Variants in FGF13 observed in about 807,000 individuals in gnomAD.
FGF13 encodes the protein fibroblast growth factor homologous factor 2.
In FGF13, 2 loss-of-function variants were observed where a neutral mutation model predicts 19.5. The ratio of observed to expected loss-of-function variants is 0.10; its 90% CI spans 0.04 to 0.32. The LOEUF (loss-of-function observed/expected upper bound fraction) is 0.32. FGF13 is among the 10% of genes least tolerant of loss of function. The pLI, the probability that FGF13 is intolerant of heterozygous loss-of-function variation, is 1.00. For synonymous variants in FGF13, 72 were observed against 76.9 expected (o/e 0.94, Z 0.33); for missense variants, 113 against 192.7 (o/e 0.59, Z 2.45).
chrX:139,001,008 C>A (rs1337576602), intron 1 of FGF13, among the ~76,000 whole-genome samples: 1 of 111,546 alleles, frequency 9.0e-6, no homozygotes, highest in African/African-American at 3.3e-5. Flanking sequence ...TGGAACAGAA[C>A]AGAGCCCTCA....
chrX:138,989,863 C>A (rs1388920022), intron 1 of FGF13, among the ~76,000 whole-genome samples: 2 of 111,387 alleles, frequency 1.8e-5, no homozygotes, highest in South Asian at 3.8e-4. Flanking sequence ...ATACCCAAAC[C>A]GTGTTCACAC....
intron 3 of FGF13, among the ~76,000 whole-genome samples, chrX:138,663,368 A>G (rs958082981): frequency 9.0e-6 from 1 of 111,605 alleles, no homozygotes; most frequent in African/African-American, 3.3e-5. Context: ...CTTGTGTTAA[A>G]TTGCTCAAGA....
intron 1 of FGF13, among the ~76,000 whole-genome samples, chrX:139,022,426 T>TAA (rs980851731): frequency 2.7e-5 from 3 of 111,927 alleles, no homozygotes; most frequent in Non-Finnish European, 3.8e-5. Context: ...TACATTTATT[T>TAA]AAAGTTAAAA....
chrX:138,662,174 T>C (rs1354768592), intron 3 of FGF13, among the ~76,000 whole-genome samples: 1 of 111,875 alleles, frequency 8.9e-6, no homozygotes, highest in Non-Finnish European at 1.9e-5. Context: ...GATGTTTCCC[T>C]GAATTCTATA....
At chrX:139,128,228 T>A (rs1329899478) in intron 1 of FGF13, among the ~76,000 whole-genome samples, 3 of 110,825 alleles carry the variant, frequency 2.7e-5, no homozygotes, top group Non-Finnish European at 5.7e-5. Context: ...CCAAACCCAG[T>A]AACTTGTTTC....
chrX:138,667,270 T>G (rs930514475), intron 3 of FGF13, among the ~76,000 whole-genome samples: 1 of 107,108 alleles, frequency 9.3e-6, no homozygotes, highest in Non-Finnish European at 1.9e-5. Context: ...TATGTATATA[T>G]ATAGAGAGAG....
chrX:138,900,411 C>T (rs2052469060), intron 1 of FGF13, among the ~76,000 whole-genome samples: 1 of 110,871 alleles, frequency 9.0e-6, no homozygotes, highest in Non-Finnish European at 1.9e-5. Context: ...TATCCAGGAA[C>T]ACAGTAGAGA....
intron 1 of FGF13, among the ~76,000 whole-genome samples, chrX:138,881,731 C>T (rs2091426174): frequency 1.8e-5 from 2 of 111,563 alleles, no homozygotes; most frequent in South Asian, 7.5e-4. Context: ...ATTTATATTT[C>T]TGTAAGGTTG....
At chrX:138,877,894 T>C (rs1370120861) in intron 1 of FGF13, among the ~76,000 whole-genome samples, 1 of 112,284 alleles carries the variant, frequency 8.9e-6, no homozygotes, top group Non-Finnish European at 1.9e-5. Flanking sequence ...AACTTTGGCA[T>C]ACATATATCT....
upstream of FGF13, among the ~76,000 whole-genome samples, chrX:138,713,554 G>C (rs1294111195): frequency 1.8e-5 from 2 of 111,559 alleles, no homozygotes; most frequent in East Asian, 5.6e-4. Context: ...CCCAGAGCAG[G>C]CATGCAAAAG....
chrX:139,024,543 T>C (rs941812171), intron 1 of FGF13, among the ~76,000 whole-genome samples: 1 of 111,684 alleles, frequency 9.0e-6, no homozygotes, highest in Non-Finnish European at 1.9e-5. Flanking sequence ...CTCACCCCAT[T>C]GTGCTGCTTC....
chrX:138,951,495 A>C (rs2091811685), intron 1 of FGF13, among the ~76,000 whole-genome samples: 1 of 111,956 alleles, frequency 8.9e-6, no homozygotes, highest in African/African-American at 3.2e-5. Context: ...ATATTCAAAA[A>C]AAATATACCA....
chrX:138,797,248 G>T (rs2090786034), intron 3 of FGF13, among the ~76,000 whole-genome samples: 1 of 111,439 alleles, frequency 9.0e-6, no homozygotes, highest in Admixed American at 9.6e-5. Context: ...TGTAAGAAAG[G>T]AATCCACTTT....
intron 1 of FGF13, among the ~76,000 whole-genome samples, chrX:139,108,847 C>T (rs1441552852): frequency 1.9e-5 from 2 of 103,996 alleles, no homozygotes; most frequent in East Asian, 6.2e-4. Context: ...CCCAACCCCA[C>T]CCCCCAACAG....
chrX:138,661,725 T>G (rs2089492762), intron 3 of FGF13, among the ~76,000 whole-genome samples: 1 of 112,009 alleles, frequency 8.9e-6, no homozygotes, highest in Non-Finnish European at 1.9e-5. Flanking sequence ...ATAGGAATAG[T>G]TGAAGATCAG....
chrX:139,081,664 C>A (rs2083371388), intron 1 of FGF13, among the ~76,000 whole-genome samples: 2 of 111,759 alleles, frequency 1.8e-5, no homozygotes, highest in African/African-American at 6.5e-5. Context: ...TTTTCTCCAA[C>A]TCAGTAAGTA....
intron 1 of FGF13, among the ~76,000 whole-genome samples, chrX:139,033,407 G>A (rs7883424): frequency 0.16 from 18,138 of 110,829 alleles, 1,293 homozygotes; most frequent in African/African-American, 0.28. Flanking sequence ...GACCTTTATC[G>A]ATCACTGACT....
chrX:138,804,595 T>C (rs1282711613), intron 3 of FGF13, among the ~76,000 whole-genome samples: 3 of 112,417 alleles, frequency 2.7e-5, no homozygotes, highest in African/African-American at 9.7e-5. Flanking sequence ...AAACCACATA[T>C]AATATTGAGA....
intron 1 of FGF13, among the ~76,000 whole-genome samples, chrX:139,111,634 C>T (rs1824881889): frequency 9.0e-6 from 1 of 111,363 alleles, no homozygotes; most frequent in African/African-American, 3.3e-5. Context: ...GAAAATGTCC[C>T]CAATGAAACT....
Sources: gnomAD v4.1 joint callset for allele counts (sites outside exome capture counted in the v4.1 genomes callset) on GRCh38, gnomAD v4.1.1 for gene constraint, MANE v1.5 for transcripts, NCBI Gene and HGNC (gene_info 2026-07-23, HGNC 2026-07-21) for gene names.